NXPH1: variants seen among roughly 807,000 people sequenced by gnomAD.
NXPH1 encodes the protein neurexophilin-1.
A neutral mutation model predicts 23.7 loss-of-function variants in NXPH1; 5 were observed. That is an observed-to-expected ratio of 0.21 (90% CI 0.11 to 0.44). The LOEUF (loss-of-function observed/expected upper bound fraction) is 0.44, where lower values mean the gene tolerates loss of function less well. NXPH1 is among the 20% of genes least tolerant of loss of function. The pLI is 0.99. For missense variants in NXPH1, 324 were observed against 321.6 expected (o/e 1.01, Z -0.06); for synonymous variants, 144 against 122.2 (o/e 1.18, Z -1.18).
At position 8,697,242 on chromosome 7, in the gene NXPH1, T is replaced by C. The variant is rs551424110; in HGVS notation, c.55-53766T>C. Among the ~76,000 whole-genome samples, 136 of 151,718 alleles carry C rather than the reference T, an allele frequency of 9.0e-4. No homozygotes were observed. In the South Asian group the frequency reaches 0.016, roughly 18 times the overall value. On this transcript the variant is annotated intron_variant, in intron 2 of 2. Transcript: ENST00000405863. ...CCTTGTAGACTGTGGTGCCAAGAGTTTGGGCTCCATTCTCAGTGTGAAAGA... is the reference window on the plus strand; with the variant it reads ...CCTTGTAGACTGTGGTGCCAAGAGTCTGGGCTCCATTCTCAGTGTGAAAGA...
intron 2 of NXPH1, among the ~76,000 whole-genome samples, chr7:8,473,453 A>AC (rs1563320652): frequency 6.6e-6 from 1 of 152,028 alleles, no homozygotes; most frequent in African/African-American, 2.4e-5. Flanking sequence ...AGTGTCCTAT[A>AC]CCCCCTGCCA....
chr7:8,738,928 G>A (rs1780310774), intron 2 of NXPH1, among the ~76,000 whole-genome samples: 1 of 152,048 alleles, frequency 6.6e-6, no homozygotes, highest in South Asian at 2.1e-4. Flanking sequence ...TACACTGTGA[G>A]GGGAAAATCG....
rs574113851 is a variant in NXPH1, at chr7:8,667,924, T to C, written c.55-83084T>C. On this transcript the variant is annotated intron_variant, in intron 2 of 2. Coordinates refer to ENST00000405863, the MANE Select transcript of NXPH1 (RefSeq NM_152745.3). Reference sequence around the variant, plus strand: ...ATTGTATATTTTAAAATAAACTGTTTTCGAGTTCACAGATTCTTTCTTCTG... The same window carrying C: ...ATTGTATATTTTAAAATAAACTGTTCTCGAGTTCACAGATTCTTTCTTCTG... 3.4e-4 allele frequency among the ~76,000 whole-genome samples: 52 copies of C among 152,220 alleles called. No individual in the cohort carries two copies. In the South Asian group the frequency reaches 0.011, roughly 31 times the overall value.
intron 2 of NXPH1, among the ~76,000 whole-genome samples, chr7:8,536,439 T>C (rs917437469): frequency 4.6e-5 from 7 of 152,032 alleles, no homozygotes; most frequent in African/African-American, 7.2e-5. Flanking sequence ...AAAGGTACCA[T>C]GTAACAAACT....
intron 2 of NXPH1, among the ~76,000 whole-genome samples, chr7:8,482,780 G>A (rs185239375): frequency 2.3e-4 from 35 of 152,280 alleles, no homozygotes; most frequent in African/African-American, 8.2e-4. Flanking sequence ...GAGTGACAGT[G>A]GAGAATAGTG....
At chr7:8,540,842 T>C (rs756977134) in intron 2 of NXPH1, among the ~76,000 whole-genome samples, 7 of 151,738 alleles carry the variant, frequency 4.6e-5, no homozygotes, top group Admixed American at 2.0e-4. Flanking sequence ...AAGGTTCTTG[T>C]CTCAGTGGTG....
At chr7:8,627,202 C>T (rs972684649) in intron 2 of NXPH1, among the ~76,000 whole-genome samples, 7 of 151,982 alleles carry the variant, frequency 4.6e-5, no homozygotes, top group Non-Finnish European at 7.4e-5. Flanking sequence ...ATTTGATGTC[C>T]AGCAACTATT....
intron 2 of NXPH1, among the ~76,000 whole-genome samples, chr7:8,603,421 T>G (rs1819408806): frequency 6.9e-6 from 1 of 144,020 alleles, no homozygotes; most frequent in Non-Finnish European, 1.5e-5. Context: ...TTTGTTTTTG[T>G]TTTTTTGCTC....
At chr7:8,474,578 G>T (rs1019398746) in intron 2 of NXPH1, among the ~76,000 whole-genome samples, 1 of 152,118 alleles carries the variant, frequency 6.6e-6, no homozygotes, top group Admixed American at 6.5e-5. Flanking sequence ...CAAAAAACAG[G>T]TTGATGCTCT....
intron 2 of NXPH1, among the ~76,000 whole-genome samples, chr7:8,514,629 A>G (rs1817661352): frequency 6.6e-6 from 1 of 152,158 alleles, no homozygotes; most frequent in African/African-American, 2.4e-5. Context: ...CTATGTTCCA[A>G]GTGGGTAGAT....
intron 2 of NXPH1, among the ~76,000 whole-genome samples, chr7:8,750,278 A>AAT (rs1392896597): frequency 6.6e-6 from 1 of 152,224 alleles, no homozygotes; most frequent in Non-Finnish European, 1.5e-5. Flanking sequence ...AAATAGTCTA[A>AAT]AGGGTGTCAG....
intron 2 of NXPH1, among the ~76,000 whole-genome samples, chr7:8,721,646 C>T (rs1373394530): frequency 1.3e-5 from 2 of 152,092 alleles, no homozygotes; most frequent in South Asian, 2.1e-4. Context: ...GGCGTGGTGG[C>T]GGGCACCTGT....
At chr7:8,696,463 C>G (rs1281545609) in intron 2 of NXPH1, among the ~76,000 whole-genome samples, 1 of 152,052 alleles carries the variant, frequency 6.6e-6, no homozygotes, top group East Asian at 1.9e-4. Context: ...GAAAATAAAG[C>G]AAGATATTGT....
rs114877628 is a variant in NXPH1 at position 8,553,660 on chromosome 7, C to T, written c.54+117893C>T. On this transcript the variant is annotated intron_variant, in intron 2 of 2. Coordinates refer to ENST00000405863, the MANE Select transcript of NXPH1 (RefSeq NM_152745.3). The stretch of plus-strand genomic sequence containing the variant: ...TAAATCTCTAGTTTCATCTATCCAC[C>T]CAATACTGTCTTTTCCTTACATCTT... Among the ~76,000 whole-genome samples, 415 of 151,534 alleles carry T rather than the reference C, an allele frequency of 2.7e-3. 3 individuals are homozygous for T. The highest frequency in any genetic ancestry group is 9.6e-3 in the African/African-American group (398 of 41,434).
At chr7:8,617,303 GTAT>G (rs976822855) in intron 2 of NXPH1, among the ~76,000 whole-genome samples, 1 of 151,964 alleles carries the variant, frequency 6.6e-6, no homozygotes, top group African/African-American at 2.4e-5. Context: ...GAGAAAGTGG[GTAT>G]TTCCTATAAA....
chr7:8,678,954 TTTTTTTTTTG>T (rs1467202095), intron 2 of NXPH1, among the ~76,000 whole-genome samples: 2 of 75,308 alleles, frequency 2.7e-5, no homozygotes, highest in Non-Finnish European at 5.7e-5. Context: ...TTTTTTTTTT[TTTTTTTTTTG>T]TTGAGACGGA....
chr7:8,561,310 T>C (rs900361327), intron 2 of NXPH1, among the ~76,000 whole-genome samples: 5 of 149,674 alleles, frequency 3.3e-5, no homozygotes, highest in African/African-American at 1.2e-4. Context: ...GTCTCCTTAC[T>C]TCTTGTAACA....
rs140228326 is a variant in NXPH1 at position 8,525,806 on chromosome 7, T to G, written c.54+90039T>G. 1.3e-4 allele frequency among the ~76,000 whole-genome samples: 20 copies of G among 152,286 alleles called. No individual in the cohort carries two copies. The East Asian group carries it at 3.9e-3, about 29-fold the overall frequency. ...GAGGTTTGCGAACCTCCACCTAGAT[T>G]TCAGAATGTGTATGGAAATGTCCAG... On this transcript the variant is annotated intron_variant, in intron 2 of 2. Coordinates refer to ENST00000405863, the MANE Select transcript of NXPH1 (RefSeq NM_152745.3).
chr7:8,524,200 C>CCAT (rs1817823966), intron 2 of NXPH1, among the ~76,000 whole-genome samples: 1 of 132,738 alleles, frequency 7.5e-6, no homozygotes, highest in Non-Finnish European at 1.5e-5. Flanking sequence ...GGAGATCGTG[C>CCAT]CATTGCACTC....
Sources: allele counts gnomAD v4.1 joint callset (sites outside exome capture counted in the v4.1 genomes callset), GRCh38; gene constraint gnomAD v4.1.1; transcripts MANE v1.5; gene names NCBI Gene and HGNC (gene_info 2026-07-23, HGNC 2026-07-21).